Variants in TEAD1 observed in about 807,000 individuals in gnomAD.
TEAD1 encodes the protein transcriptional enhancer factor TEF-1.
A neutral mutation model predicts 54.9 loss-of-function variants in TEAD1; 9 were observed. The observed-to-expected ratio is 0.16, with a 90% CI of 0.10 to 0.29. The LOEUF (loss-of-function observed/expected upper bound fraction) is 0.29, where lower values mean the gene tolerates loss of function less well. Among genes scored for constraint, TEAD1 ranks in the 10% least tolerant of loss-of-function variants. TEAD1 has a pLI of 1.00. For synonymous variants in TEAD1, 200 were observed against 187.8 expected (o/e 1.07, Z -0.53); for missense variants, 387 against 535.9 (o/e 0.72, Z 2.74).
At chr11:12,688,093 A>G (rs1441340812) in intron 2 of TEAD1, among the ~76,000 whole-genome samples, 1 of 152,174 alleles carries the variant, frequency 6.6e-6, no homozygotes, top group Non-Finnish European at 1.5e-5. Flanking sequence ...GATAGGGTTT[A>G]GGCAGATGAC....
In TEAD1 at chr11:12,943,340, T is replaced by TA. The variant is rs1295922821; in HGVS notation, c.*6119dup. ...TTTTCCTGCTTCTCTTTTCAACTGT[T>TA]ACTGTGCTTTGTTTGAAAGTAGTTT... On this transcript the variant is annotated 3_prime_UTR_variant, in exon 13 of 13. Transcript: ENST00000527636. The TA allele has an allele frequency of 1.3e-5, 2 of 152,658 alleles. No homozygotes were observed. Among genetic ancestry groups the TA allele is most frequent in the South Asian group, 2.1e-4 (1 of 4,834 alleles). The allele number at this position is 152,658 out of a possible 1,614,324, so 9.5% of individuals were successfully genotyped here.
At chr11:12,899,440 T>TAA (rs1211268078) in intron 9 of TEAD1, among the ~76,000 whole-genome samples, 2 of 152,180 alleles carry the variant, frequency 1.3e-5, no homozygotes, top group Non-Finnish European at 2.9e-5. Flanking sequence ...GACTAGAAGC[T>TAA]TCTTAGCAGC....
chr11:12,748,673 A>G (rs950519401), intron 2 of TEAD1, among the ~76,000 whole-genome samples: 6 of 152,092 alleles, frequency 3.9e-5, no homozygotes, highest in Middle Eastern at 3.2e-3. Flanking sequence ...GGGAATCTCT[A>G]TGTTTAAGAA....
intron 3 of TEAD1, among the ~76,000 whole-genome samples, chr11:12,784,958 T>G (rs532953461): frequency 1.3e-5 from 2 of 152,340 alleles, no homozygotes; most frequent in South Asian, 4.1e-4. Flanking sequence ...TGCTCCAGCT[T>G]GCTCTCTTGG....
intron 5 of TEAD1, among the ~76,000 whole-genome samples, chr11:12,873,612 C>G (rs535381182): frequency 1.3e-5 from 2 of 152,266 alleles, no homozygotes; most frequent in East Asian, 1.9e-4. Flanking sequence ...CATGAATGTG[C>G]CTTCTGTCCT....
intron 9 of TEAD1, among the ~76,000 whole-genome samples, chr11:12,884,267 G>A (rs752199528): frequency 6.6e-5 from 10 of 152,154 alleles, no homozygotes; most frequent in Admixed American, 1.3e-4. Flanking sequence ...GAGTATGAGC[G>A]TTGCATCTGT....
intron 2 of TEAD1, among the ~76,000 whole-genome samples, chr11:12,719,715 A>G (rs1271004705): frequency 3.3e-5 from 5 of 152,020 alleles, no homozygotes; most frequent in Non-Finnish European, 5.9e-5. Flanking sequence ...CGTGGGTTGG[A>G]CATGGGGTAG....
intron 2 of TEAD1, among the ~76,000 whole-genome samples, chr11:12,728,352 C>T (rs938858837): frequency 6.6e-6 from 1 of 152,148 alleles, no homozygotes; most frequent in African/African-American, 2.4e-5. Context: ...ATTAATGTTG[C>T]ACCTGTATAT....
chr11:12,726,271 G>C (rs553636150), intron 2 of TEAD1, among the ~76,000 whole-genome samples: 1 of 152,292 alleles, frequency 6.6e-6, no homozygotes, highest in East Asian at 1.9e-4. Flanking sequence ...GGATGTTGCT[G>C]AATGTCATTC....
chr11:12,731,160 C>T (rs1944417703), intron 2 of TEAD1, among the ~76,000 whole-genome samples: 1 of 152,164 alleles, frequency 6.6e-6, no homozygotes, highest in South Asian at 2.1e-4. Flanking sequence ...AATTCCCTAC[C>T]TCTGCTGGAA....
At chr11:12,801,627 T>A (rs1389228772) in intron 3 of TEAD1, among the ~76,000 whole-genome samples, 1 of 152,194 alleles carries the variant, frequency 6.6e-6, no homozygotes, top group Non-Finnish European at 1.5e-5. Context: ...GGAGCCTTGG[T>A]TTGAACCTGA....
At chr11:12,929,194 GTGTGTGTCTGC>G (rs1241199610) in intron 11 of TEAD1, among the ~76,000 whole-genome samples, 36 of 87,052 alleles carry the variant, frequency 4.1e-4, no homozygotes, top group African/African-American at 7.3e-4. Flanking sequence ...GTGTGTGTGT[GTGTGTGTCTGC>G]TTTAGGGTTA....
At chr11:12,921,131 T>TATCC (rs1948797389) in intron 10 of TEAD1, 1 of 152,230 alleles carries the variant, frequency 6.6e-6, no homozygotes, top group Non-Finnish European at 1.5e-5. Context: ...ACTTGAGAAA[T>TATCC]GGATAACATT....
intron 3 of TEAD1, among the ~76,000 whole-genome samples, chr11:12,776,490 T>A (rs970854753): frequency 6.6e-6 from 1 of 152,162 alleles, no homozygotes; most frequent in East Asian, 1.9e-4. Flanking sequence ...GCAAGTAATC[T>A]TGTATTTGTG....
At position 12,817,548 on chromosome 11, in the gene TEAD1, G is replaced by A. The variant is rs1477076312; in HGVS notation, c.203-44702G>A. Among the ~76,000 whole-genome samples the A allele has an allele frequency of 2.6e-5, 4 of 152,010 alleles. No homozygotes were observed. In the South Asian group the frequency reaches 6.2e-4, roughly 24 times the overall value. On this transcript the variant is annotated intron_variant, in intron 3 of 12. Coordinates refer to ENST00000527636, the MANE Select transcript of TEAD1 (RefSeq NM_021961.6). ...AGTGCCGACCTCTTCAAAATTTGTC[G>A]ACTTCATCATCCGTGTGCTGTCCAG...
rs377243863 is a variant in TEAD1 at position 12,696,085 on chromosome 11, C to G, written c.-55+20524C>G. Among the ~76,000 whole-genome samples the G allele has an allele frequency of 6.6e-5, 10 of 152,372 alleles. No individual in the cohort carries two copies. In the East Asian group the frequency reaches 9.6e-4, roughly 15 times the overall value. On this transcript the variant is annotated intron_variant, in intron 2 of 12. Transcript: ENST00000527636. ...AGTTGCTTGTTATTTGAGGCTCTGA[C>G]TGTACAGCTGTGCCTCCTTAGAGTG...
intron 11 of TEAD1, among the ~76,000 whole-genome samples, chr11:12,928,283 C>CTTTT (rs35934347): frequency 7.4e-6 from 1 of 135,502 alleles, no homozygotes; most frequent in Non-Finnish European, 1.6e-5. Context: ...TTTTCTTTTC[C>CTTTT]TTTTTTTTTT....
intron 10 of TEAD1, among the ~76,000 whole-genome samples, chr11:12,910,512 G>A (rs181067428): frequency 2.6e-5 from 4 of 152,180 alleles, no homozygotes; most frequent in African/African-American, 7.2e-5. Flanking sequence ...AAAGAAGAAA[G>A]CAATATGAAA....
At chr11:12,886,051 G>A (rs997434007) in intron 9 of TEAD1, among the ~76,000 whole-genome samples, 7 of 152,208 alleles carry the variant, frequency 4.6e-5, no homozygotes, top group African/African-American at 1.7e-4. Context: ...TGAGTAACAG[G>A]AAACAGGGCA....
Sources: allele counts gnomAD v4.1 joint callset (sites outside exome capture counted in the v4.1 genomes callset), GRCh38; gene constraint gnomAD v4.1.1; transcripts MANE v1.5; gene names NCBI Gene and HGNC (gene_info 2026-07-23, HGNC 2026-07-21).